The following ETF1 variants were observed in gnomAD, a reference collection of about 807,000 sequenced individuals.
ETF1 encodes eukaryotic peptide chain release factor subunit 1.
Under a neutral mutation model 55.1 loss-of-function variants are expected in ETF1, and 4 were observed. The ratio of observed to expected loss-of-function variants is 0.07; its 90% CI spans 0.04 to 0.17. The LOEUF is 0.17. ETF1 is among the 10% of genes least tolerant of loss of function. ETF1 has a pLI of 1.00. For missense variants in ETF1, 142 were observed against 523.6 expected, an observed-to-expected ratio of 0.27 and a Z score of 7.11; for synonymous variants, 157 against 182.3, an observed-to-expected ratio of 0.86 and a Z score of 1.12.
chr5:138,536,653 T>G (rs760792331), intron 2 of ETF1, among the ~76,000 whole-genome samples: 81 of 152,282 alleles, frequency 5.3e-4, no homozygotes, highest in Middle Eastern at 3.4e-3. Flanking sequence ...GAGAAGTAAT[T>G]TCTACTGTCC....
At position 138,543,101 on chromosome 5, in the gene ETF1, G is replaced by A. The variant is rs1380773131; in HGVS notation, c.-23C>T. The stretch of plus-strand genomic sequence containing the variant: ...CTTTCCCTCCCTGTGCCTTACCTAA[G>A]GGCCCAGTCCTGGGCGGCAGCGGCT... On this transcript the variant is annotated 5_prime_UTR_variant, in exon 1 of 11. Coordinates refer to ENST00000360541, the MANE Select transcript of ETF1 (RefSeq NM_004730.4). The A allele has an allele frequency of 1.1e-5, 7 of 650,262 alleles. No homozygotes were observed. The highest frequency in any genetic ancestry group is 8.9e-5 in the Admixed American group (3 of 33,786). The allele number at this position is 650,262 out of a possible 1,614,324, so 40.3% of individuals were successfully genotyped here.
intron 2 of ETF1, 49 bp downstream of exon 2, chr5:138,542,784 G>A (rs762087077): frequency 1.2e-5 from 19 of 1,604,022 alleles, no homozygotes; most frequent in Non-Finnish European, 1.5e-5. Context: ...TCCATCCTGA[G>A]GGGTCCGGGA....
Position 138,513,292 on chromosome 5 carries a change from C to T in ETF1, c.541+276G>A, listed in dbSNP as rs1379949299. 1.1e-5 allele frequency: 9 copies of T among 835,782 alleles called. No homozygotes were observed. The East Asian group carries it at 3.7e-4, about 34-fold the overall frequency. The allele number at this position is 835,782 out of a possible 1,614,324, so 51.8% of individuals were successfully genotyped here. A position where few individuals can be genotyped will look rare whatever the true frequency, so the allele number is the denominator to read the frequency against. ...TGTCGCCCAGACTGGAGTGCAGTGG[C>T]GCAATCTTGGCTCAATGCAACCTCC... On this transcript the variant is annotated intron_variant, in intron 5 of 10. Coordinates refer to ENST00000360541, the MANE Select transcript of ETF1 (RefSeq NM_004730.4).
chr5:138,541,603 A>T (rs887065405), intron 2 of ETF1: 24 of 1,530,506 alleles, frequency 1.6e-5, no homozygotes, highest in Non-Finnish European at 2.0e-5. Flanking sequence ...CTGTCATTCT[A>T]AAATTGCAAA....
chr5:138,517,006 A>G lies in ETF1; in HGVS notation c.402+555T>C, dbSNP rs75941941. Among the ~76,000 whole-genome samples, 353 of 152,324 alleles carry G rather than the reference A, an allele frequency of 2.3e-3. 1 individual carries two copies. Among genetic ancestry groups the G allele is most frequent in the African/African-American group, 8.2e-3 (341 of 41,570 alleles). ...ATGAAATGTACTGATGAATGCTACC[A>G]CATGGAACCTTAAAAGTATAAAGTA... is the stretch of plus-strand genomic sequence containing the variant. On this transcript the variant is annotated intron_variant, in intron 4 of 10. Coordinates refer to ENST00000360541, the MANE Select transcript of ETF1 (RefSeq NM_004730.4).
intron 2 of ETF1, among the ~76,000 whole-genome samples, chr5:138,535,900 A>AAAC (rs1765909236): frequency 6.7e-6 from 1 of 150,330 alleles, no homozygotes; most frequent in Non-Finnish European, 1.5e-5. Context: ...AAAAAAAAAA[A>AAAC]GACCTTAATC....
Position 138,517,600 on chromosome 5 carries a change from A to G in ETF1, c.363T>C (p.Asn121=). ...NIDFEPFKPI[N]TSLYLCDNKF... ...TGTTGTCACACAAATACAATGACGT[A>G]TTAATTGGTTTGAAAGGTTCAAAGT... is the stretch of plus-strand genomic sequence containing the variant. The change falls in exon 4 of 11, where the codon AAT becomes AAC. Residue 121 remains asparagine (N), a synonymous_variant. Transcript: ENST00000360541. 6.3e-7 allele frequency: 1 copy of G among 1,597,556 alleles called. No homozygotes were observed. Among genetic ancestry groups the G allele is most frequent in the Non-Finnish European group, 8.6e-7 (1 of 1,169,212 alleles).
At chr5:138,519,264 G>A (rs1291278663) in intron 2 of ETF1, 2 of 856,528 alleles carry the variant, frequency 2.3e-6, no homozygotes, top group Non-Finnish European at 2.8e-6. Context: ...ACAGGATGAT[G>A]CAATGAGTCT....
At chr5:138,519,794 C>CA (rs1230222998) in intron 2 of ETF1, among the ~76,000 whole-genome samples, 1 of 152,064 alleles carries the variant, frequency 6.6e-6, no homozygotes, top group Non-Finnish European at 1.5e-5. Context: ...CAACCAAACT[C>CA]AAGTTTTTAG....
At chr5:138,533,478 G>A (rs993035993) in intron 2 of ETF1, among the ~76,000 whole-genome samples, 1 of 152,098 alleles carries the variant, frequency 6.6e-6, no homozygotes, top group African/African-American at 2.4e-5. Flanking sequence ...ACGAGGTCAA[G>A]AGATCGAGAC....
chr5:138,513,790 C>T, intron 4 of ETF1, 84 bp from the exon 5 acceptor site: 4 of 1,441,844 alleles, frequency 2.8e-6, no homozygotes, highest in Non-Finnish European at 3.7e-6. Flanking sequence ...TATACAAGCC[C>T]TTTCACTCCA....
chr5:138,543,008 C>T (rs1766251947), intron 1 of ETF1, 72 bp from the exon 2 acceptor site: 3 of 1,377,574 alleles, frequency 2.2e-6, no homozygotes, highest in Non-Finnish European at 2.0e-6. Flanking sequence ...CAGAGCGGCC[C>T]CCTTCCTCGC....
chr5:138,518,203 C>CAA (rs35745884), intron 3 of ETF1, among the ~76,000 whole-genome samples: 2,829 of 79,370 alleles, frequency 0.036, 7 homozygotes, highest in East Asian at 0.07. Context: ...TGTCTCATCC[C>CAA]AAAAAAAAAA....
At chr5:138,517,446 A>G in intron 4 of ETF1, 115 bp downstream of exon 4, 3 of 470,806 alleles carry the variant, frequency 6.4e-6, no homozygotes, top group Non-Finnish European at 7.6e-6. Context: ...TGGAAAGAAA[A>G]TATAGTGGTT....
chr5:138,535,052 G>GACCTTAATCATCTGCTTATA (rs1561845179), intron 2 of ETF1, among the ~76,000 whole-genome samples: 1 of 149,950 alleles, frequency 6.7e-6, no homozygotes, highest in Admixed American at 6.7e-5. Flanking sequence ...TTGGGTTCAA[G>GACCTTAATCATCTGCTTATA]CGATTCTCTT....
intron 2 of ETF1, among the ~76,000 whole-genome samples, chr5:138,525,621 A>G (rs1455129408): frequency 6.6e-6 from 1 of 152,160 alleles, no homozygotes; most frequent in African/African-American, 2.4e-5. Flanking sequence ...GCAAAGGCTG[A>G]TCTGATATGA....
rs752017613 is a variant in ETF1, at chr5:138,540,993, T to C, written c.86+1840A>G. Among the ~76,000 whole-genome samples, 74 of 152,342 alleles carry C rather than the reference T, an allele frequency of 4.9e-4. 1 individual carries two copies. Among genetic ancestry groups the C allele is most frequent in the Non-Finnish European group, 2.8e-4 (19 of 68,034 alleles). On this transcript the variant is annotated intron_variant, in intron 2 of 10. Transcript: ENST00000360541. ...CAGGCAAATTATAGTCATGATTTAA[T>C]TTTTTGGACTGTTTCAGAGAATATA...
At chr5:138,519,010 T>G (rs1765129928) in intron 2 of ETF1, 143 bp from the exon 3 acceptor site, 7 of 1,455,030 alleles carry the variant, frequency 4.8e-6, no homozygotes, top group Non-Finnish European at 6.3e-6. Context: ...AGGGACTATA[T>G]TAGTCTTGTT....
chr5:138,510,526 G>A (rs750678167), intron 9 of ETF1, 39 bp downstream of exon 9: 5 of 1,480,248 alleles, frequency 3.4e-6, no homozygotes, highest in South Asian at 2.3e-5. Flanking sequence ...ACGGATTTAC[G>A]CTTGCACGTA....
Sources: gnomAD v4.1 joint callset for allele counts (sites outside exome capture counted in the v4.1 genomes callset) on GRCh38, gnomAD v4.1.1 for gene constraint, MANE v1.5 for transcripts, NCBI Gene and HGNC (gene_info 2026-07-23, HGNC 2026-07-21) for gene names.